The following GRIP1 variants were observed in gnomAD, a reference collection of about 807,000 sequenced individuals.
The protein encoded by GRIP1 is glutamate receptor-interacting protein 1.
Under a neutral mutation model 129.9 loss-of-function variants are expected in GRIP1, and 45 were observed. The observed-to-expected ratio is 0.35, with a 90% CI of 0.27 to 0.44. GRIP1 has a LOEUF of 0.44. Ranked by LOEUF, GRIP1 falls within the 20% of genes least tolerant of loss-of-function variation. The probability of loss-of-function intolerance (pLI) is 1.00; values close to 1 mark genes in which losing one functional copy is unlikely to be tolerated. For synonymous variants in GRIP1, 530 were observed against 520.8 expected (o/e 1.02, Z -0.24); for missense variants, 1,196 against 1,396.8 (o/e 0.86, Z 2.29).
chr12:66,699,888 G>A (rs1257184828), intron 1 of GRIP1, among the ~76,000 whole-genome samples: 6 of 152,120 alleles, frequency 3.9e-5, no homozygotes, highest in Admixed American at 3.9e-4. Context: ...GGGCGGGAAG[G>A]AGTCAAGGAG....
At chr12:66,444,409 C>T (rs2058559586) in intron 13 of GRIP1, among the ~76,000 whole-genome samples, 175 bp downstream of exon 13, 1 of 145,784 alleles carries the variant, frequency 6.9e-6, no homozygotes, top group Non-Finnish European at 1.5e-5. Context: ...TGGCGTGAAC[C>T]CGGGAAGTGG....
intron 14 of GRIP1, among the ~76,000 whole-genome samples, chr12:66,429,674 T>G (rs1404730003): frequency 2.6e-5 from 4 of 152,102 alleles, no homozygotes; most frequent in African/African-American, 9.7e-5. Flanking sequence ...CCAGCCTGGG[T>G]GACAGAGTGA....
intron 2 of GRIP1, among the ~76,000 whole-genome samples, chr12:66,576,764 G>T (rs558809465): frequency 5.9e-5 from 9 of 152,292 alleles, no homozygotes; most frequent in African/African-American, 1.7e-4. Flanking sequence ...GAATATAAGA[G>T]AAATAAATGT....
Position 66,855,034 on chromosome 12 carries a change from ATTATTTAT to A in GRIP1, c.58+214008_58+214015del, listed in dbSNP as rs560135894. On this transcript the variant is annotated intron_variant, in intron 1 of 1. Transcript: ENST00000643019. Reference sequence around the variant, plus strand: ...GCTATTCTTCCTTTTCTATCTGCTTATTATTTATTTATTTATTTATTTATTGGCGTGTG... The same window carrying A: ...GCTATTCTTCCTTTTCTATCTGCTTATTATTTATTTATTTATTGGCGTGTG... 3.3e-5 allele frequency among the ~76,000 whole-genome samples: 5 copies of A among 151,730 alleles called. No individual in the cohort carries two copies. The South Asian group carries it at 8.3e-4, about 25-fold the overall frequency.
At chr12:66,757,663 G>C (rs545910795) in intron 1 of GRIP1, among the ~76,000 whole-genome samples, 1 of 152,186 alleles carries the variant, frequency 6.6e-6, no homozygotes, top group African/African-American at 2.4e-5. Flanking sequence ...TTTTTTAAGG[G>C]ACCTCCAAAT....
chr12:67,019,801 T>TACAC (rs61084842), intron 1 of GRIP1, among the ~76,000 whole-genome samples: 1 of 151,376 alleles, frequency 6.6e-6, no homozygotes, highest in African/African-American at 2.4e-5. Flanking sequence ...TTATAATATA[T>TACAC]ACACACACAC....
At chr12:66,621,320 T>G (rs1216011533) in intron 1 of GRIP1, among the ~76,000 whole-genome samples, 1 of 152,196 alleles carries the variant, frequency 6.6e-6, no homozygotes, top group African/African-American at 2.4e-5. Flanking sequence ...TCTATGAATT[T>G]GCCTATTCTA....
chr12:66,633,118 T>C (rs1403150405), intron 1 of GRIP1, among the ~76,000 whole-genome samples: 1 of 151,578 alleles, frequency 6.6e-6, no homozygotes, highest in African/African-American at 2.4e-5. Flanking sequence ...GCTCAAGTGA[T>C]CCTCCCACTT....
chr12:66,701,436 TA>T, intron 1 of GRIP1, among the ~76,000 whole-genome samples: 1 of 151,976 alleles, frequency 6.6e-6, no homozygotes, highest in East Asian at 1.9e-4. Flanking sequence ...GGAAATACAG[TA>T]AAAAAAAGTA....
intron 1 of GRIP1, among the ~76,000 whole-genome samples, chr12:67,018,200 A>G (rs1358053917): frequency 6.6e-6 from 1 of 152,024 alleles, no homozygotes; most frequent in African/African-American, 2.4e-5. Flanking sequence ...TCTGGGCCCA[A>G]GACTGTTTCC....
At chr12:66,425,095 A>G (rs1253049829) in intron 14 of GRIP1, among the ~76,000 whole-genome samples, 1 of 152,212 alleles carries the variant, frequency 6.6e-6, no homozygotes, top group African/African-American at 2.4e-5. Flanking sequence ...GAGACCTTGT[A>G]GAGCTGAAAA....
chr12:67,009,647 T>C (rs939222621), intron 1 of GRIP1, among the ~76,000 whole-genome samples: 2 of 152,148 alleles, frequency 1.3e-5, no homozygotes, highest in Non-Finnish European at 2.9e-5. Context: ...ACTGTGAAAG[T>C]CCTTCATTCC....
rs188875595 is a variant in GRIP1 at position 66,737,374 on chromosome 12, C to A, written c.-420+66679G>T. Among the ~76,000 whole-genome samples the A allele has an allele frequency of 1.6e-3, 238 of 152,224 alleles. 2 individuals carry two copies. Among genetic ancestry groups the A allele is most frequent in the Middle Eastern group, 0.01 (3 of 294 alleles). On this transcript the variant is annotated intron_variant, in intron 1 of 4. Coordinates refer to the GRIP1 transcript ENST00000538373. ...TCTCAGCTCATTGCAACCTCCGCCT[C>A]CCAGGTTCAAGAAATTCTGCTGCCT...
chr12:66,949,678 G>A (rs190238694), intron 1 of GRIP1, among the ~76,000 whole-genome samples: 31 of 151,346 alleles, frequency 2.0e-4, no homozygotes, highest in African/African-American at 7.5e-4. Flanking sequence ...TTTCTGATGG[G>A]CCATGGCATA....
At chr12:66,458,268 G>A (rs1386760286) in intron 9 of GRIP1, among the ~76,000 whole-genome samples, 2 of 152,146 alleles carry the variant, frequency 1.3e-5, no homozygotes, top group African/African-American at 4.8e-5. Context: ...CTAGGCCACT[G>A]TAACACCTTC....
chr12:66,541,938 C>A lies in GRIP1; in HGVS notation c.149G>T (p.Gly50Val). The change falls in exon 3 of 25, where the codon GGC becomes GTC. Residue 50 changes from glycine (G) to valine (V), a missense_variant. Transcript: ENST00000359742. ...RRQSIPEEFK[G>V]STVVELMKKE... ...CTTCATCAGCTCGACGACTGTGGAG[C>A]CCTTGAATTCCTCTGTTAAAAGAAA... 6 of 1,613,874 alleles carry A rather than the reference C, an allele frequency of 3.7e-6. No individual in the cohort carries two copies. Among genetic ancestry groups the A allele is most frequent in the Non-Finnish European group, 5.1e-6 (6 of 1,179,804 alleles).
At chr12:66,933,722 G>A (rs1291850786) in intron 1 of GRIP1, among the ~76,000 whole-genome samples, 1 of 152,028 alleles carries the variant, frequency 6.6e-6, no homozygotes, top group Non-Finnish European at 1.5e-5. Flanking sequence ...TACATATATA[G>A]TACAATAATG....
intron 7 of GRIP1, among the ~76,000 whole-genome samples, chr12:66,476,712 C>G (rs550463182): frequency 3.9e-5 from 6 of 152,196 alleles, no homozygotes; most frequent in East Asian, 1.9e-4. Flanking sequence ...GGGATGCAAG[C>G]CTGGTTCAAC....
chr12:66,477,920 A>G (rs934655357), intron 7 of GRIP1, among the ~76,000 whole-genome samples: 1 of 152,164 alleles, frequency 6.6e-6, no homozygotes, highest in Non-Finnish European at 1.5e-5. Flanking sequence ...AAAACCATAA[A>G]AACCCTAGAA....
Sources: allele counts gnomAD v4.1 joint callset (sites outside exome capture counted in the v4.1 genomes callset), GRCh38; gene constraint gnomAD v4.1.1; transcripts MANE v1.5; gene names NCBI Gene and HGNC (gene_info 2026-07-23, HGNC 2026-07-21).